Variants in KLHL14 observed in about 807,000 individuals in gnomAD.
KLHL14 encodes kelch-like protein 14.
In KLHL14, 22 loss-of-function variants were observed where a neutral mutation model predicts 64.3. The observed-to-expected ratio is 0.34, with a 90% confidence interval of 0.24 to 0.49. The LOEUF is 0.49. Among genes scored for constraint, KLHL14 ranks in the 20% least tolerant of loss-of-function variants. KLHL14 has a pLI of 0.99. For synonymous variants in KLHL14, 322 were observed against 333.4 expected (o/e 0.97, Z 0.37); for missense variants, 661 against 789.0 (o/e 0.84, Z 1.94).
intron 2 of KLHL14, among the ~76,000 whole-genome samples, chr18:32,761,393 CTT>C (rs10676001): frequency 4.5e-4 from 57 of 127,028 alleles, no homozygotes; most frequent in Admixed American, 2.9e-3. Context: ...GCCACACATC[CTT>C]TTTTTTTTTT....
intron 3 of KLHL14, among the ~76,000 whole-genome samples, chr18:32,696,182 GCTCTTCTGTAA>G (rs2049935915): frequency 6.6e-6 from 1 of 152,146 alleles, no homozygotes; most frequent in Non-Finnish European, 1.5e-5. Context: ...CTGCTTAGGA[GCTCTTCTGTAA>G]CAAAGATGAA....
intron 5 of KLHL14, among the ~76,000 whole-genome samples, chr18:32,685,762 T>C (rs1598548083): frequency 6.6e-6 from 1 of 152,166 alleles, no homozygotes; most frequent in East Asian, 1.9e-4. Context: ...TATTTACCAG[T>C]ATATAGAGTA....
intron 3 of KLHL14, among the ~76,000 whole-genome samples, chr18:32,719,655 C>T (rs546660016): frequency 2.0e-5 from 3 of 152,348 alleles, no homozygotes; most frequent in East Asian, 1.9e-4. Context: ...ATAATTACTA[C>T]ATGTGCTTGA....
rs78126822 is a variant in KLHL14, at chr18:32,674,703, G to A, written c.1841C>T (p.Ala614Val). The change falls in exon 9 of 9, where the codon GCC (alanine) becomes GTC (valine). Residue 614 changes from alanine to valine, a missense_variant. Ala to Val is a moderately conservative substitution (Grantham distance 64). This residue lies in a region of KLHL14 where 330 missense variants were observed against 450.0 expected (regional missense o/e 0.73). Transcript: ENST00000359358. ...GDVAEPLAGP[A>V]CVTVILPSCV... is the part of the protein sequence containing the mutation. ...AGAGGGCAGAATAACTGTCACACAGGCAGGGCCTGCCAACGGTTCTGCTAC... is the reference window on the plus strand; with the variant it reads ...AGAGGGCAGAATAACTGTCACACAGACAGGGCCTGCCAACGGTTCTGCTAC... 131 of 780,890 alleles carry A rather than the reference G, an allele frequency of 1.7e-4. No homozygotes were observed. The highest frequency in any genetic ancestry group is 9.0e-4 in the Middle Eastern group (4 of 4,434). 48.4% of individuals were successfully genotyped at this position (780,890 alleles called of 1,614,324 possible).
intron 3 of KLHL14, among the ~76,000 whole-genome samples, chr18:32,699,170 G>A (rs931157781): frequency 6.6e-6 from 1 of 152,212 alleles, no homozygotes; most frequent in South Asian, 2.1e-4. Context: ...CACAAAGTTG[G>A]TCTTTGTGGA....
At chr18:32,693,220 A>G (rs2049917148) in intron 4 of KLHL14, among the ~76,000 whole-genome samples, 1 of 152,158 alleles carries the variant, frequency 6.6e-6, no homozygotes, top group Non-Finnish European at 1.5e-5. Flanking sequence ...TGCTTGCCGC[A>G]AGGTGTAACC....
chr18:32,683,769 G>A lies in KLHL14; in HGVS notation c.1239-3170C>T, dbSNP rs941293702. Among the ~76,000 whole-genome samples the A allele has an allele frequency of 2.0e-5, 3 of 152,198 alleles. No individual in the cohort carries two copies. The highest frequency in any genetic ancestry group is 4.8e-5 in the African/African-American group (2 of 41,524). On this transcript the variant is annotated intron_variant, in intron 5 of 8. Transcript: ENST00000359358. This position sits in a 1 kb window ranked among gnomAD's most constrained non-coding sequence, Gnocchi z 4.2. ...CTTTACAAGTTCTTTCTGGCCCTTGGAGTTGTCAGTTTATATCCTAAAGCA... is the reference window on the plus strand; with the variant it reads ...CTTTACAAGTTCTTTCTGGCCCTTGAAGTTGTCAGTTTATATCCTAAAGCA...
chr18:32,752,295 G>T (rs1245253067), intron 2 of KLHL14, among the ~76,000 whole-genome samples: 1 of 152,026 alleles, frequency 6.6e-6, no homozygotes, highest in Non-Finnish European at 1.5e-5. Flanking sequence ...TCAAGGTTCA[G>T]TCAGTGGGGT....
intron 3 of KLHL14, among the ~76,000 whole-genome samples, chr18:32,702,918 C>T (rs2049973560): frequency 6.6e-6 from 1 of 152,102 alleles, no homozygotes; most frequent in African/African-American, 2.4e-5. Context: ...AAAAAAAGTG[C>T]ACATTTAGGA....
chr18:32,722,605 A>G (rs2050085260), intron 3 of KLHL14, among the ~76,000 whole-genome samples: 1 of 152,168 alleles, frequency 6.6e-6, no homozygotes, highest in Non-Finnish European at 1.5e-5. Context: ...ACAACACTGT[A>G]CCATGAACAC....
At chr18:32,726,915 T>C (rs1006016006) in intron 3 of KLHL14, among the ~76,000 whole-genome samples, 1 of 152,210 alleles carries the variant, frequency 6.6e-6, no homozygotes, top group Admixed American at 6.5e-5. Flanking sequence ...TTTCCAGTAG[T>C]GTTCCTGGAT....
chr18:32,724,107 T>C (rs140256154), intron 3 of KLHL14, among the ~76,000 whole-genome samples: 1 of 152,212 alleles, frequency 6.6e-6, no homozygotes, highest in Non-Finnish European at 1.5e-5. Flanking sequence ...TAAGGTTTCA[T>C]AGAACATGGC....
At chr18:32,768,134 G>A (rs1052890776) in intron 2 of KLHL14, among the ~76,000 whole-genome samples, 7 of 151,950 alleles carry the variant, frequency 4.6e-5, no homozygotes, top group African/African-American at 1.7e-4. Flanking sequence ...TTGGCCTCTT[G>A]TGCTCACTGT....
intron 3 of KLHL14, 25 bp from the exon 4 acceptor site, chr18:32,695,577 A>G (rs1448559758): frequency 6.5e-6 from 9 of 1,388,906 alleles, no homozygotes; most frequent in East Asian, 2.3e-5. Context: ...AAAAAAAAAG[A>G]CATATGAAAT....
At chr18:32,730,565 C>T (rs1453676656) in intron 3 of KLHL14, among the ~76,000 whole-genome samples, 2 of 152,138 alleles carry the variant, frequency 1.3e-5, no homozygotes, top group Non-Finnish European at 2.9e-5. Context: ...CTTACCATTA[C>T]AACAAGACAA....
intron 2 of KLHL14, among the ~76,000 whole-genome samples, chr18:32,749,601 T>C (rs1315229192): frequency 1.3e-5 from 2 of 152,166 alleles, no homozygotes; most frequent in Non-Finnish European, 2.9e-5. Context: ...CTCTGCATAC[T>C]GAAGGGGGAA....
chr18:32,771,149 A>C (rs1472628325), intron 1 of KLHL14: 1 of 196,152 alleles, frequency 5.1e-6, no homozygotes, highest in Non-Finnish European at 1.1e-5. Context: ...CAGTTGGCCC[A>C]GTTTGGGGGA....
intron 8 of KLHL14, 49 bp downstream of exon 8, chr18:32,677,124 C>T (rs757072050): frequency 1.1e-5 from 17 of 1,571,110 alleles, no homozygotes; most frequent in South Asian, 7.0e-5. Flanking sequence ...ATACAGAAAA[C>T]GTAAGCACAA....
intron 4 of KLHL14, among the ~76,000 whole-genome samples, chr18:32,690,058 C>G (rs544931608): frequency 6.3e-4 from 96 of 152,026 alleles, no homozygotes; most frequent in Non-Finnish European, 1.1e-3. Flanking sequence ...TAGGTTTAAC[C>G]AGGACTAGTA....
Sources: gnomAD v4.1 joint callset for allele counts (sites outside exome capture counted in the v4.1 genomes callset) on GRCh38, gnomAD v4.1.1 for gene constraint, gnomAD v4.1.1 regional missense constraint, Gnocchi (gnomAD v3.1) non-coding constraint, MANE v1.5 for transcripts, NCBI Gene and HGNC (gene_info 2026-07-23, HGNC 2026-07-21) for gene names.